Variants in CHN2 observed in about 807,000 individuals in gnomAD.
CHN2 encodes chimerin 2.
Under a neutral mutation model 56.3 loss-of-function variants are expected in CHN2, and 35 were observed. That is an observed-to-expected ratio of 0.62 (90% confidence interval 0.47 to 0.82). The LOEUF (loss-of-function observed/expected upper bound fraction) is 0.82. Among genes scored for constraint, CHN2 ranks in the 40% least tolerant of loss-of-function variants. The pLI is 0.00. For missense variants in CHN2, 491 were observed against 580.5 expected (o/e 0.85, Z 1.58); for synonymous variants, 210 against 212.8 (o/e 0.99, Z 0.12).
At chr7:29,230,584 G>T (rs909746335) in intron 1 of CHN2, among the ~76,000 whole-genome samples, 5 of 152,208 alleles carry the variant, frequency 3.3e-5, no homozygotes, top group African/African-American at 1.2e-4. Flanking sequence ...TAAGTGATCT[G>T]CCTGCTTCAG....
intron 6 of CHN2, chr7:29,445,199 TA>T: frequency 2.2e-6 from 1 of 455,502 alleles, no homozygotes; most frequent in Non-Finnish European, 4.4e-6. Context: ...ACCCACAGAA[TA>T]AGTAAGAGTC....
At chr7:29,403,549 A>G (rs1216524483) in intron 6 of CHN2, among the ~76,000 whole-genome samples, 1 of 152,186 alleles carries the variant, frequency 6.6e-6, no homozygotes, top group Admixed American at 6.5e-5. Flanking sequence ...ATAATTGGCA[A>G]AAAGAGATTA....
intron 6 of CHN2, among the ~76,000 whole-genome samples, chr7:29,429,609 G>A (rs766079503): frequency 2.6e-5 from 4 of 151,760 alleles, no homozygotes; most frequent in East Asian, 1.9e-4. Context: ...ATACTTCAAG[G>A]TTCAGTTCCC....
At chr7:29,503,687 A>C (rs1790225757) in intron 9 of CHN2, among the ~76,000 whole-genome samples, 1 of 152,224 alleles carries the variant, frequency 6.6e-6, no homozygotes, top group Non-Finnish European at 1.5e-5. Context: ...TGCATACCTA[A>C]TGAAGACCCT....
intron 9 of CHN2, among the ~76,000 whole-genome samples, chr7:29,501,090 T>C (rs945854238): frequency 7.1e-6 from 1 of 140,572 alleles, no homozygotes; most frequent in Non-Finnish European, 1.5e-5. Context: ...ATATATTTTA[T>C]ACATATATAT....
rs1562820775 is a variant in CHN2, at chr7:29,194,849, G to C, written c.-93G>C. The C allele has an allele frequency of 3.3e-6, 4 of 1,205,668 alleles. No individual in the cohort carries two copies. Among genetic ancestry groups the C allele is most frequent in the Non-Finnish European group, 3.2e-6 (3 of 932,356 alleles). The allele number at this position is 1,205,668 out of a possible 1,614,324, so 74.7% of individuals were successfully genotyped here. ...GTCCCCAGGACTTTGCCATGGGCTG[G>C]GGGCCGCGGAGGCTGCGAGCGGCCG... is the stretch of plus-strand genomic sequence containing the variant. On this transcript the variant is annotated 5_prime_UTR_variant, in exon 1 of 13. Coordinates refer to ENST00000222792, the MANE Select transcript of CHN2 (RefSeq NM_004067.4).
At chr7:29,156,325 T>C (rs1794365855) in intron 2 of CHN2, among the ~76,000 whole-genome samples, 1 of 152,206 alleles carries the variant, frequency 6.6e-6, no homozygotes, top group Admixed American at 6.5e-5. Context: ...GATGATTAAA[T>C]GCCAAAATTA....
At position 29,207,766 on chromosome 7, in the gene CHN2, CTT is replaced by C. The variant is rs576599610; in HGVS notation, c.49+12779_49+12780del. On this transcript the variant is annotated intron_variant, in intron 1 of 12. Transcript: ENST00000222792. Reference sequence around the variant, plus strand: ...TTTCCAAGGATATCATCTGCTGGCTCTTTTGTTGTTTCTAATCAAAGAACCGA... The same window carrying C: ...TTTCCAAGGATATCATCTGCTGGCTCTTGTTGTTTCTAATCAAAGAACCGA... Among the ~76,000 whole-genome samples, 7 of 152,282 alleles carry C rather than the reference CTT, an allele frequency of 4.6e-5. No homozygotes were observed. In the East Asian group the frequency reaches 1.4e-3, roughly 29 times the overall value.
chr7:29,447,010 G>A (rs990498774), intron 6 of CHN2, among the ~76,000 whole-genome samples: 1 of 152,130 alleles, frequency 6.6e-6, no homozygotes, highest in Non-Finnish European at 1.5e-5. Context: ...AACTTTAACT[G>A]CATCCAAAAG....
At chr7:29,276,278 T>C (rs917662999) in intron 1 of CHN2, among the ~76,000 whole-genome samples, 1 of 152,128 alleles carries the variant, frequency 6.6e-6, no homozygotes, top group African/African-American at 2.4e-5. Flanking sequence ...GTGTAGAGGC[T>C]GTAACCCAGG....
In CHN2 at chr7:29,212,810, G is replaced by A. The variant is rs2128782310; in HGVS notation, c.49+17820G>A. ...CAATGGTGTGACTCGGAAGGCCTCAGCACCTACCTACCCCAGCCACTACTC... is the reference window on the plus strand; with the variant it reads ...CAATGGTGTGACTCGGAAGGCCTCAACACCTACCTACCCCAGCCACTACTC... On this transcript the variant is annotated intron_variant, in intron 1 of 12. Transcript: ENST00000222792. The A allele has an allele frequency of 2.5e-6, 4 of 1,607,844 alleles. No homozygotes were observed. The East Asian group carries it at 8.9e-5, about 36-fold the overall frequency.
chr7:29,385,087 C>T (rs1800814738), intron 3 of CHN2, among the ~76,000 whole-genome samples: 2 of 152,146 alleles, frequency 1.3e-5, no homozygotes, highest in Admixed American at 1.3e-4. Flanking sequence ...ACATTTTAGT[C>T]TGTTCCATTT....
chr7:29,185,850 A>G (rs1798645198), intron 2 of CHN2, among the ~76,000 whole-genome samples: 1 of 152,198 alleles, frequency 6.6e-6, no homozygotes, highest in Middle Eastern at 3.2e-3. Flanking sequence ...TAGCAAGACC[A>G]ATATGTAGAT....
At chr7:29,338,941 A>G (rs1468437723) in intron 1 of CHN2, among the ~76,000 whole-genome samples, 2 of 152,004 alleles carry the variant, frequency 1.3e-5, no homozygotes, top group South Asian at 2.1e-4. Flanking sequence ...ATGAAAGACT[A>G]TTAATAAAGG....
At chr7:29,381,630 G>C (rs1363865835) in intron 3 of CHN2, among the ~76,000 whole-genome samples, 7 of 151,928 alleles carry the variant, frequency 4.6e-5, no homozygotes, top group African/African-American at 1.7e-4. Flanking sequence ...TATTCTCTCA[G>C]GGTTTTGGAA....
At chr7:29,348,243 T>G (rs2128920151) in intron 1 of CHN2, among the ~76,000 whole-genome samples, 1 of 152,310 alleles carries the variant, frequency 6.6e-6, no homozygotes, top group African/African-American at 2.4e-5. Flanking sequence ...CCCAGAATTC[T>G]TTGTTTTCCC....
chr7:29,297,580 G>A (rs948843466), intron 1 of CHN2, among the ~76,000 whole-genome samples: 3 of 152,176 alleles, frequency 2.0e-5, no homozygotes, highest in Admixed American at 6.5e-5. Flanking sequence ...AAACAAGGTG[G>A]GGGGAGGGTA....
intron 6 of CHN2, among the ~76,000 whole-genome samples, chr7:29,437,164 C>A (rs1472431477): frequency 2.6e-5 from 4 of 151,932 alleles, no homozygotes; most frequent in Admixed American, 1.3e-4. Context: ...CATATTCTTA[C>A]AAAAGTCATT....
intron 6 of CHN2, among the ~76,000 whole-genome samples, chr7:29,467,200 G>C (rs967034459): frequency 3.3e-5 from 5 of 152,088 alleles, no homozygotes; most frequent in African/African-American, 9.7e-5. Context: ...ATCTCCTTAG[G>C]ATAGATTCTT....
Sources: allele counts gnomAD v4.1 joint callset (sites outside exome capture counted in the v4.1 genomes callset), GRCh38; gene constraint gnomAD v4.1.1; transcripts MANE v1.5; gene names NCBI Gene and HGNC (gene_info 2026-07-23, HGNC 2026-07-21).